DCC: variants seen among roughly 807,000 people sequenced by gnomAD.
DCC encodes the protein netrin receptor DCC.
In DCC, 58 loss-of-function variants were observed where a neutral mutation model predicts 172.5. The ratio of observed to expected loss-of-function variants is 0.34; its 90% CI spans 0.27 to 0.42. The LOEUF is 0.42. Ranked by LOEUF, DCC falls within the 10% of genes least tolerant of loss-of-function variation. The pLI, the probability that DCC is intolerant of heterozygous loss-of-function variation, is 1.00. For missense variants in DCC, 1,740 were observed against 1,791.0 expected (o/e 0.97, Z 0.51); for synonymous variants, 709 against 644.5 (o/e 1.10, Z -1.52).
chr18:53,217,300 C>T (rs1272573666), intron 12 of DCC, among the ~76,000 whole-genome samples: 1 of 96,416 alleles, frequency 1.0e-5, no homozygotes, highest in South Asian at 2.7e-4. Flanking sequence ...CACACACACA[C>T]ATATGTATAT....
intron 1 of DCC, among the ~76,000 whole-genome samples, chr18:52,485,074 A>G (rs2030149139): frequency 6.6e-6 from 1 of 152,146 alleles, no homozygotes; most frequent in African/African-American, 2.4e-5. Flanking sequence ...TGAAGGACCT[A>G]CATGATGACT....
chr18:53,478,997 AC>A (rs2045800864), intron 25 of DCC, among the ~76,000 whole-genome samples: 1 of 152,178 alleles, frequency 6.6e-6, no homozygotes, highest in Admixed American at 6.5e-5. Flanking sequence ...GTCTTCTGAG[AC>A]TGGGCATTTA....
At chr18:53,482,307 T>G (rs1288284954) in intron 25 of DCC, among the ~76,000 whole-genome samples, 3 of 152,160 alleles carry the variant, frequency 2.0e-5, no homozygotes, top group Non-Finnish European at 4.4e-5. Flanking sequence ...TGAACACTTT[T>G]GAGATGCAGA....
chr18:52,839,703 T>C (rs1035717798), intron 2 of DCC, among the ~76,000 whole-genome samples: 1 of 152,228 alleles, frequency 6.6e-6, no homozygotes, highest in Non-Finnish European at 1.5e-5. Flanking sequence ...CCCTGAATTG[T>C]ATCTTCATTC....
intron 12 of DCC, among the ~76,000 whole-genome samples, chr18:53,300,674 C>G (rs559476334): frequency 1.3e-5 from 2 of 152,188 alleles, no homozygotes; most frequent in South Asian, 4.2e-4. Flanking sequence ...CCTATATTTC[C>G]CCTAGGAGCA....
At chr18:53,437,727 G>T (rs541733826) in intron 22 of DCC, among the ~76,000 whole-genome samples, 1 of 151,556 alleles carries the variant, frequency 6.6e-6, no homozygotes, top group African/African-American at 2.4e-5. Context: ...AATTTCATTA[G>T]CTCACTCTCG....
intron 2 of DCC, among the ~76,000 whole-genome samples, chr18:52,783,321 CTCTTTTTTTT>C (rs2037585836): frequency 1.6e-5 from 1 of 62,120 alleles, no homozygotes; most frequent in African/African-American, 6.3e-5. Context: ...TATACTACTA[CTCTTTTTTTT>C]TTTTTTTTTT....
At chr18:52,910,713 A>G (rs1303425525) in intron 3 of DCC, among the ~76,000 whole-genome samples, 1 of 152,152 alleles carries the variant, frequency 6.6e-6, no homozygotes, top group Admixed American at 6.6e-5. Context: ...ACTGGCCTAT[A>G]CAATGGAATT....
intron 1 of DCC, among the ~76,000 whole-genome samples, chr18:52,425,660 T>C (rs1029639356): frequency 6.6e-6 from 1 of 152,088 alleles, no homozygotes; most frequent in South Asian, 2.1e-4. Flanking sequence ...CTTCCTGAAG[T>C]TGAATAAGAA....
In DCC at chr18:52,735,921, C is replaced by T. The variant is rs558730651; in HGVS notation, c.92-16133C>T. On this transcript the variant is annotated intron_variant, in intron 1 of 28. Transcript: ENST00000442544. ...AAAGAGGTTTCAATACCAAACACTC[C>T]ATGAGGATTTTCCAGAATCACAGTA... 7.2e-5 allele frequency among the ~76,000 whole-genome samples: 11 copies of T among 152,240 alleles called. No homozygotes were observed. The South Asian group carries it at 1.5e-3, about 20-fold the overall frequency.
rs116915340 is a variant in DCC at position 53,469,465 on chromosome 18, C to A, written c.3736+1455C>A. Among the ~76,000 whole-genome samples, 114 of 152,226 alleles carry A rather than the reference C, an allele frequency of 7.5e-4. 2 individuals are homozygous for A. In the East Asian group the frequency reaches 0.019, roughly 26 times the overall value. ...TCTTACTTTTCAGATTTCAGTATCT[C>A]CCATCTTTCCCTATTCTTAGCTAAT... On this transcript the variant is annotated intron_variant, in intron 25 of 28. Transcript: ENST00000442544.
chr18:52,517,189 A>C (rs2031670119), intron 1 of DCC, among the ~76,000 whole-genome samples: 1 of 152,234 alleles, frequency 6.6e-6, no homozygotes, highest in South Asian at 2.1e-4. Context: ...AAACATTAAT[A>C]GAGTTAAGTG....
intron 27 of DCC, among the ~76,000 whole-genome samples, chr18:53,517,442 A>ATAT (rs2046348199): frequency 8.9e-6 from 1 of 112,400 alleles, no homozygotes; most frequent in Non-Finnish European, 1.9e-5. Context: ...AAAACTTAAA[A>ATAT]TATAATAATA....
intron 1 of DCC, among the ~76,000 whole-genome samples, chr18:52,539,312 A>G (rs936222100): frequency 6.6e-6 from 1 of 152,162 alleles, no homozygotes; most frequent in African/African-American, 2.4e-5. Flanking sequence ...AATCCATGAA[A>G]AAAAAAATAA....
intron 7 of DCC, among the ~76,000 whole-genome samples, chr18:53,104,794 CTTG>C (rs908753506): frequency 7.9e-5 from 12 of 151,952 alleles, no homozygotes; most frequent in Non-Finnish European, 1.6e-4. Flanking sequence ...GTTCAGTGAT[CTTG>C]TTAAGTCATC....
At chr18:52,445,264 A>T (rs1329144512) in intron 1 of DCC, among the ~76,000 whole-genome samples, 1 of 152,202 alleles carries the variant, frequency 6.6e-6, no homozygotes, top group East Asian at 1.9e-4. Flanking sequence ...TAATAATAAT[A>T]ATAATTTCCA....
chr18:53,192,827 G>C (rs908313007), intron 9 of DCC, among the ~76,000 whole-genome samples: 1 of 152,094 alleles, frequency 6.6e-6, no homozygotes, highest in African/African-American at 2.4e-5. Flanking sequence ...TCACCCACAC[G>C]TCTCCACCTA....
intron 25 of DCC, among the ~76,000 whole-genome samples, chr18:53,469,490 TA>T (rs1449714990): frequency 3.3e-5 from 5 of 152,216 alleles, no homozygotes; most frequent in African/African-American, 1.2e-4. Flanking sequence ...TCTTAGCTAA[TA>T]ATCTTATATC....
Position 53,386,030 on chromosome 18 carries a change from G to GT in DCC, c.2360-7dup. The GT allele has an allele frequency of 1.9e-6, 3 of 1,556,750 alleles. No homozygotes were observed. The highest frequency in any genetic ancestry group is 2.2e-5 in the South Asian group (2 of 89,880). On this transcript the variant is annotated splice_polypyrimidine_tract_variant and intron_variant, in intron 15 of 28. Transcript: ENST00000442544. Reference sequence around the variant, plus strand: ...ATATCAACACGTTCATATTGTTTCTGTTTTTTCTCCAGAGTCAAGTTCCCA... The same window carrying GT: ...ATATCAACACGTTCATATTGTTTCTGTTTTTTTCTCCAGAGTCAAGTTCCCA...
Sources: allele counts gnomAD v4.1 joint callset (sites outside exome capture counted in the v4.1 genomes callset), GRCh38; gene constraint gnomAD v4.1.1; transcripts MANE v1.5; gene names NCBI Gene and HGNC (gene_info 2026-07-23, HGNC 2026-07-21).